Variants in PHOSPHO2 observed in about 807,000 individuals in gnomAD.
The protein encoded by PHOSPHO2 is pyridoxal phosphate phosphatase PHOSPHO2.
Under a neutral mutation model 16.4 loss-of-function variants are expected in PHOSPHO2, and 14 were observed. That is an observed-to-expected ratio of 0.85 (90% confidence interval 0.56 to 1.33). PHOSPHO2 has a LOEUF of 1.33. Among genes scored for constraint, PHOSPHO2 ranks in the 40% most tolerant of loss-of-function variants. The pLI is 0.00. For missense variants in PHOSPHO2, 246 were observed against 282.5 expected (o/e 0.87, Z 0.93); for synonymous variants, 85 against 90.5 (o/e 0.94, Z 0.34).
chr2:169,699,129 G>A lies in PHOSPHO2; in HGVS notation c.-27+1598G>A, dbSNP rs111269808. Among the ~76,000 whole-genome samples, 887 of 152,090 alleles carry A rather than the reference G, an allele frequency of 5.8e-3. 12 individuals are homozygous for A. Among genetic ancestry groups the A allele is most frequent in the African/African-American group, 0.02 (845 of 41,494 alleles). ...CAGATCATCACATCACCTAGGTATT[G>A]AGCCCAGCATCCACTAGCTGTTTTC... is the stretch of plus-strand genomic sequence containing the variant. On this transcript the variant is annotated intron_variant, in intron 3 of 3. Transcript: ENST00000359744.
At chr2:169,700,178 A>G (rs1475323985) in intron 3 of PHOSPHO2, among the ~76,000 whole-genome samples, 1 of 152,192 alleles carries the variant, frequency 6.6e-6, no homozygotes, top group Non-Finnish European at 1.5e-5. Context: ...TTTGCTGTGC[A>G]GAAGCTCTTT....
At chr2:169,700,420 A>T (rs191840098) in intron 3 of PHOSPHO2, among the ~76,000 whole-genome samples, 42 of 152,074 alleles carry the variant, frequency 2.8e-4, no homozygotes, top group Middle Eastern at 3.4e-3. Context: ...CTAGCCAGTT[A>T]TCCCAGCACC....
At chr2:169,697,743 G>A (rs1574497498) in intron 3 of PHOSPHO2, 1 of 152,150 alleles carries the variant, frequency 6.6e-6, no homozygotes, top group East Asian at 1.9e-4. Context: ...AGTTACATTT[G>A]AAATTTGTTT....
chr2:169,701,249 ACTGCATTATTATTT>A lies in PHOSPHO2; in HGVS notation c.280_293del (p.Cys94ArgfsTer18). The A allele has an allele frequency of 1.2e-6, 2 of 1,613,914 alleles. No individual in the cohort carries two copies. The highest frequency in any genetic ancestry group is 1.7e-6 in the Non-Finnish European group (2 of 1,179,954). On this transcript the variant is annotated frameshift_variant, in exon 4 of 4. Coordinates refer to ENST00000359744, the MANE Select transcript of PHOSPHO2 (RefSeq NM_001008489.4). LOFTEE classifies it high-confidence loss of function. The stretch of plus-strand genomic sequence containing the variant: ...ATAAGAAAGAATAAGGATAAATTTG[ACTGCATTATTATTT>A]CAGATTCAAATTCGGTCTTCATAGA...
intron 3 of PHOSPHO2, 120 bp from the exon 4 acceptor site, chr2:169,700,822 CTTAA>C: frequency 2.0e-6 from 2 of 983,450 alleles, no homozygotes; most frequent in South Asian, 2.0e-5. Flanking sequence ...TCTTGAAGTG[CTTAA>C]TTACTTTGTT....
intron 2 of PHOSPHO2, 103 bp downstream of exon 2, chr2:169,695,350 C>G (rs549816208): frequency 6.6e-6 from 1 of 152,250 alleles, no homozygotes; most frequent in South Asian, 2.1e-4. Flanking sequence ...GTGTCAAGAA[C>G]TGGGGGCCAG....
intron 3 of PHOSPHO2, among the ~76,000 whole-genome samples, chr2:169,699,816 C>G (rs1687682152): frequency 6.6e-6 from 1 of 151,980 alleles, no homozygotes; most frequent in Non-Finnish European, 1.5e-5. Flanking sequence ...TTCTTGGGCA[C>G]ATGTATTGTC....
chr2:169,701,468 A>G lies in PHOSPHO2; in HGVS notation c.497A>G (p.Gln166Arg). The part of the protein sequence containing the change: ...VLIEFVDKQL[Q>R]QGVNYTQIVY... Reference sequence around the variant, plus strand: ...ATAGAATTTGTAGATAAACAGTTACAACAGGGAGTGAATTATACACAAATT... The same window carrying G: ...ATAGAATTTGTAGATAAACAGTTACGACAGGGAGTGAATTATACACAAATT... Residue 166 changes from glutamine (Q) to arginine (R), a missense_variant, in exon 4 of 4, where the codon CAA becomes CGA. By Grantham distance (43) the Gln-to-Arg change is conservative. Coordinates refer to ENST00000359744, the MANE Select transcript of PHOSPHO2 (RefSeq NM_001008489.4). The G allele has an allele frequency of 6.2e-7, 1 of 1,612,842 alleles. No individual in the cohort carries two copies. Among genetic ancestry groups the G allele is most frequent in the Non-Finnish European group, 8.5e-7 (1 of 1,179,680 alleles).
Position 169,700,949 on chromosome 2 carries a change from A to C in PHOSPHO2, c.-23A>C. ...AATAATATTTCTTCTTTTTCAGGGT[A>C]ATCCAAATCTATTTCTGGAACCATG... is the stretch of plus-strand genomic sequence containing the variant. On this transcript the variant is annotated 5_prime_UTR_variant, in exon 4 of 4. Coordinates refer to ENST00000359744, the MANE Select transcript of PHOSPHO2 (RefSeq NM_001008489.4). The C allele has an allele frequency of 6.4e-7, 1 of 1,566,798 alleles. No individual in the cohort carries two copies. The highest frequency in any genetic ancestry group is 8.6e-7 in the Non-Finnish European group (1 of 1,162,302).
At chr2:169,694,916 GT>G (rs1687457280) in intron 1 of PHOSPHO2, among the ~76,000 whole-genome samples, 4 of 152,210 alleles carry the variant, frequency 2.6e-5, no homozygotes. Flanking sequence ...ATGGGGCCAA[GT>G]TTTTTAAAAA....
rs1180902343 is a variant in PHOSPHO2 at position 169,701,491 on chromosome 2, A to G, written c.520A>G (p.Ile174Val). Reference sequence around the variant, plus strand: ...ACAACAGGGAGTGAATTATACACAAATTGTTTATATTGGTGATGGTGGAAA... The same window carrying G: ...ACAACAGGGAGTGAATTATACACAAGTTGTTTATATTGGTGATGGTGGAAA... ...QLQQGVNYTQ[I>V]VYIGDGGNDV... The change falls in exon 4 of 4, where the codon ATT (isoleucine) becomes GTT (valine). Residue 174 changes from isoleucine to valine, a missense_variant. Coordinates refer to ENST00000359744, the MANE Select transcript of PHOSPHO2 (RefSeq NM_001008489.4). 1 of 1,612,756 alleles carries G rather than the reference A, an allele frequency of 6.2e-7. No individual in the cohort carries two copies. The highest frequency in any genetic ancestry group is 1.7e-5 in the Admixed American group (1 of 59,842).
chr2:169,694,482 G>A lies in PHOSPHO2; in HGVS notation c.-371G>A. The A allele has an allele frequency of 1.4e-6, 1 of 736,876 alleles. No homozygotes were observed. The highest frequency in any genetic ancestry group is 3.6e-4 in the Middle Eastern group (1 of 2,774). The allele number at this position is 736,876 out of a possible 1,614,324, so 45.6% of individuals were successfully genotyped here. A position where few individuals can be genotyped will look rare whatever the true frequency, so the allele number is the denominator to read the frequency against. ...AAGGGAGGTGCTGCAGTTGGCGGTC[G>A]GGCTAGAGAAGAGAGGCGCCTGCGC... On this transcript the variant is annotated 5_prime_UTR_variant, in exon 1 of 4. Coordinates refer to ENST00000359744, the MANE Select transcript of PHOSPHO2 (RefSeq NM_001008489.4).
At chr2:169,699,373 A>C (rs1473123789) in intron 3 of PHOSPHO2, among the ~76,000 whole-genome samples, 2 of 152,204 alleles carry the variant, frequency 1.3e-5, no homozygotes, top group Non-Finnish European at 2.9e-5. Context: ...TTATAGCTGC[A>C]TAATATTCCA....
intron 2 of PHOSPHO2, among the ~76,000 whole-genome samples, chr2:169,695,547 G>C (rs1022830378): frequency 6.6e-6 from 1 of 152,040 alleles, no homozygotes; most frequent in African/African-American, 2.4e-5. Flanking sequence ...TGAGGCAGGA[G>C]AATGGCGTGA....
At chr2:169,699,053 G>A (rs1003386907) in intron 3 of PHOSPHO2, among the ~76,000 whole-genome samples, 1 of 152,054 alleles carries the variant, frequency 6.6e-6, no homozygotes, top group African/African-American at 2.4e-5. Flanking sequence ...ACATGTGCAG[G>A]ATGTGTAGAT....
Position 169,701,092 on chromosome 2 carries a change from A to G in PHOSPHO2, c.121A>G (p.Lys41Glu). ...LPIELRDSYR[K>E]GFWTEFMGRV... Reference sequence around the variant, plus strand: ...TATTGAACTACGTGATTCTTATCGAAAAGGATTTTGGACAGAATTTATGGG... The same window carrying G: ...TATTGAACTACGTGATTCTTATCGAGAAGGATTTTGGACAGAATTTATGGG... Residue 41 changes from lysine (K) to glutamate (E), a missense_variant, in exon 4 of 4, where the codon AAA becomes GAA. By Grantham distance (56) the Lys-to-Glu change is moderately conservative. Transcript: ENST00000359744. 1 of 1,614,058 alleles carries G rather than the reference A, an allele frequency of 6.2e-7. No homozygotes were observed. The highest frequency in any genetic ancestry group is 1.1e-5 in the South Asian group (1 of 91,082).
Position 169,694,526 on chromosome 2 carries a change from AGTGGGGCTGCCGAGAGGGCAGGC to A in PHOSPHO2, c.-319_-297del. ...CCTGCGCTTGCGAGCTGGGCTTGTG[AGTGGGGCTGCCGAGAGGGCAGGC>A]GTGGGGCGAGGCCAAAGGACTGAAC... On this transcript the variant is annotated 5_prime_UTR_variant, in exon 1 of 4. Coordinates refer to ENST00000359744, the MANE Select transcript of PHOSPHO2 (RefSeq NM_001008489.4). 1.6e-6 allele frequency: 1 copy of A among 637,896 alleles called. No individual in the cohort carries two copies. Among genetic ancestry groups the A allele is most frequent in the Non-Finnish European group, 2.8e-6 (1 of 355,706 alleles). 39.5% of individuals were successfully genotyped at this position (637,896 alleles called of 1,614,324 possible). A position where few individuals can be genotyped will look rare whatever the true frequency, so the allele number is the denominator to read the frequency against.
intron 2 of PHOSPHO2, among the ~76,000 whole-genome samples, chr2:169,695,586 G>A (rs912805001): frequency 1.3e-5 from 2 of 151,334 alleles, no homozygotes; most frequent in African/African-American, 4.9e-5. Context: ...GCAGTGAGCC[G>A]ACCATCGTGC....
At chr2:169,696,168 C>G (rs1462115920) in intron 2 of PHOSPHO2, among the ~76,000 whole-genome samples, 1 of 152,170 alleles carries the variant, frequency 6.6e-6, no homozygotes, top group Admixed American at 6.5e-5. Flanking sequence ...GATTCCAGCT[C>G]CAACCTGTGG....
Sources: gnomAD v4.1 joint callset for allele counts (sites outside exome capture counted in the v4.1 genomes callset) on GRCh38, gnomAD v4.1.1 for gene constraint, MANE v1.5 for transcripts, NCBI Gene and HGNC (gene_info 2026-07-23, HGNC 2026-07-21) for gene names.